DLG2: variants seen among roughly 807,000 people sequenced by gnomAD.
DLG2 encodes the protein disks large homolog 2.
In DLG2, 45 loss-of-function variants were observed where a neutral mutation model predicts 132.5. That is an observed-to-expected ratio of 0.34 (90% CI 0.27 to 0.44). The LOEUF (loss-of-function observed/expected upper bound fraction) is 0.44. Among genes scored for constraint, DLG2 ranks in the 20% least tolerant of loss-of-function variants. The probability of loss-of-function intolerance (pLI) is 1.00; values close to 1 mark genes in which losing one functional copy is unlikely to be tolerated. For synonymous variants in DLG2, 424 were observed against 419.6 expected (o/e 1.01, Z -0.13); for missense variants, 1,045 against 1,196.9 (o/e 0.87, Z 1.87).
At chr11:85,156,376 T>G (rs898257401) in intron 4 of DLG2, among the ~76,000 whole-genome samples, 6 of 152,180 alleles carry the variant, frequency 3.9e-5, no homozygotes, top group African/African-American at 1.4e-4. Context: ...ATTTGTTTGA[T>G]GAATGAAAAA....
At chr11:84,729,909 G>A (rs2062954592) in intron 6 of DLG2, among the ~76,000 whole-genome samples, 1 of 151,962 alleles carries the variant, frequency 6.6e-6, no homozygotes, top group Non-Finnish European at 1.5e-5. Context: ...AGAAATGCCA[G>A]CCTATTCGTT....
intron 19 of DLG2, among the ~76,000 whole-genome samples, chr11:83,557,046 A>G (rs553172312): frequency 6.6e-5 from 10 of 152,118 alleles, no homozygotes; most frequent in Non-Finnish European, 1.5e-4. Context: ...ACCACCTTGA[A>G]ACTGGCCTAT....
intron 21 of DLG2, among the ~76,000 whole-genome samples, chr11:83,526,651 T>A (rs1014732992): frequency 6.6e-6 from 1 of 152,198 alleles, no homozygotes; most frequent in African/African-American, 2.4e-5. Flanking sequence ...GGATAAAGTA[T>A]AAGTTTCCTG....
chr11:83,577,484 T>TTATATATATATATAATAGGATATATTATA (rs1555208706), intron 19 of DLG2, among the ~76,000 whole-genome samples: 27 of 124,344 alleles, frequency 2.2e-4, no homozygotes, highest in African/African-American at 8.6e-4. Context: ...ATAGGATATA[T>TTATATATATATATAATAGGATATATTATA]TATATATATA....
At chr11:84,598,926 AGAGTGAG>A (rs2099569588) in intron 6 of DLG2, among the ~76,000 whole-genome samples, 1 of 151,820 alleles carries the variant, frequency 6.6e-6, no homozygotes, top group East Asian at 1.9e-4. Context: ...CCTGGGTGGC[AGAGTGAG>A]ACCCTGCCTC....
At chr11:85,162,358 C>T (rs935625078) in intron 4 of DLG2, among the ~76,000 whole-genome samples, 11 of 152,112 alleles carry the variant, frequency 7.2e-5, no homozygotes, top group African/African-American at 2.7e-4. Flanking sequence ...GTTTGGGTGA[C>T]TCCACCAGGA....
intron 3 of DLG2, among the ~76,000 whole-genome samples, chr11:85,501,209 T>C (rs1437487972): frequency 6.6e-6 from 1 of 152,150 alleles, no homozygotes; most frequent in East Asian, 1.9e-4. Context: ...GAAAACTGGC[T>C]AGCCATATGC....
At chr11:84,827,797 C>T (rs2078530856) in intron 6 of DLG2, among the ~76,000 whole-genome samples, 2 of 150,434 alleles carry the variant, frequency 1.3e-5, no homozygotes, top group African/African-American at 4.9e-5. Context: ...CCATCATTTC[C>T]AACGACATGG....
rs571598567 is a variant in DLG2 at position 84,463,432 on chromosome 11, A to C, written c.519+71138T>G. 3.4e-4 allele frequency among the ~76,000 whole-genome samples: 52 copies of C among 151,236 alleles called. 1 individual carries two copies. The South Asian group carries it at 0.011, about 31-fold the overall frequency. On this transcript the variant is annotated intron_variant, in intron 7 of 27. Coordinates refer to ENST00000376104, the MANE Select transcript of DLG2 (RefSeq NM_001142699.3). The stretch of plus-strand genomic sequence containing the variant: ...AGAAAAGGCCTCTTGTAGGTTGGTC[A>C]TATCTGAGCCCTCTGTGCTAAGGAC...
chr11:85,591,595 T>C (rs2079342833), intron 3 of DLG2, among the ~76,000 whole-genome samples: 1 of 151,880 alleles, frequency 6.6e-6, no homozygotes, highest in African/African-American at 2.4e-5. Context: ...ATACAAAAAT[T>C]AGCTGGGCGT....
chr11:85,290,336 T>C (rs560659815), intron 3 of DLG2, among the ~76,000 whole-genome samples: 75 of 152,238 alleles, frequency 4.9e-4, no homozygotes, highest in South Asian at 6.2e-4. Flanking sequence ...TTACAAACTC[T>C]AATGTACACA....
intron 3 of DLG2, among the ~76,000 whole-genome samples, chr11:85,431,332 C>T (rs371863821): frequency 3.9e-5 from 6 of 152,130 alleles, no homozygotes; most frequent in African/African-American, 1.4e-4. Context: ...GCCCCCACCC[C>T]CAGCCAAGGG....
chr11:84,830,556 C>T (rs892033983), intron 6 of DLG2, among the ~76,000 whole-genome samples: 4 of 151,462 alleles, frequency 2.6e-5, no homozygotes, highest in Non-Finnish European at 5.9e-5. Flanking sequence ...AAAAGCCTTC[C>T]CACACAAGTC....
intron 10 of DLG2, among the ~76,000 whole-genome samples, chr11:84,095,270 A>T (rs1374230331): frequency 6.6e-6 from 1 of 152,216 alleles, no homozygotes; most frequent in Non-Finnish European, 1.5e-5. Flanking sequence ...TTTATTGAGC[A>T]CCAATTATGT....
intron 3 of DLG2, 51 bp downstream of exon 3, chr11:85,598,606 T>A: frequency 7.2e-7 from 1 of 1,387,056 alleles, no homozygotes; most frequent in Non-Finnish European, 9.6e-7. Context: ...ATTCAAACTA[T>A]CAAGCCCAAT....
intron 7 of DLG2, among the ~76,000 whole-genome samples, chr11:84,404,050 C>T (rs1485460401): frequency 6.6e-6 from 1 of 152,084 alleles, no homozygotes; most frequent in African/African-American, 2.4e-5. Context: ...CCAATCCAGT[C>T]TCCAAATTTC....
At chr11:85,180,106 TTA>T (rs2079588703) in intron 4 of DLG2, among the ~76,000 whole-genome samples, 1 of 151,848 alleles carries the variant, frequency 6.6e-6, no homozygotes, top group South Asian at 2.1e-4. Context: ...AGAAGAAGCT[TTA>T]TGGATGTCAA....
intron 6 of DLG2, among the ~76,000 whole-genome samples, chr11:84,803,800 A>C (rs535959036): frequency 6.6e-6 from 1 of 152,256 alleles, no homozygotes; most frequent in East Asian, 1.9e-4. Flanking sequence ...CCACATCTTA[A>C]GTTTTTATTG....
At chr11:85,214,190 C>A (rs1300494473) in intron 4 of DLG2, among the ~76,000 whole-genome samples, 1 of 152,070 alleles carries the variant, frequency 6.6e-6, no homozygotes, top group African/African-American at 2.4e-5. Flanking sequence ...CTACGGTCTA[C>A]CCTCTCCTTT....
Sources: allele counts gnomAD v4.1 joint callset (sites outside exome capture counted in the v4.1 genomes callset), GRCh38; gene constraint gnomAD v4.1.1; transcripts MANE v1.5; gene names NCBI Gene and HGNC (gene_info 2026-07-23, HGNC 2026-07-21).